Variants in POT1 observed in about 807,000 individuals in gnomAD.
The protein encoded by POT1 is protection of telomeres protein 1.
Under a neutral mutation model 78.5 loss-of-function variants are expected in POT1, and 47 were observed. The ratio of observed to expected loss-of-function variants is 0.60; its 90% CI spans 0.47 to 0.76. The LOEUF is 0.76. Among genes scored for constraint, POT1 ranks in the 30% least tolerant of loss-of-function variants. The pLI, the probability that POT1 is intolerant of heterozygous loss-of-function variation, is 0.00. For synonymous variants in POT1, 259 were observed against 260.7 expected (o/e 0.99, Z 0.06); for missense variants, 646 against 749.9 (o/e 0.86, Z 1.62).
At chr7:124,882,709 G>C (rs1186439599) in intron 6 of POT1, among the ~76,000 whole-genome samples, 6 of 149,640 alleles carry the variant, frequency 4.0e-5, no homozygotes, top group Non-Finnish European at 7.4e-5. Flanking sequence ...TAAAAAAACA[G>C]TACTAAATTT....
Position 124,822,639 on chromosome 7 carries a change from A to C in POT1, c.*1323T>G. 1 of 400,820 alleles carries C rather than the reference A, an allele frequency of 2.5e-6. No homozygotes were observed. 24.8% of individuals were successfully genotyped at this position (400,820 alleles called of 1,614,324 possible). On this transcript the variant is annotated 3_prime_UTR_variant, in exon 19 of 19. Transcript: ENST00000357628. ...ACACCTGTTCAACTGTAGGGTTTTAAAATATTTTTCCTGAAAATGTTTTGA... is the reference window on the plus strand; with the variant it reads ...ACACCTGTTCAACTGTAGGGTTTTACAATATTTTTCCTGAAAATGTTTTGA...
chr7:124,843,133 T>C, intron 12 of POT1, 170 bp from the exon 13 acceptor site: 1 of 451,198 alleles, frequency 2.2e-6, no homozygotes, highest in Non-Finnish European at 3.8e-6. Context: ...CAAGGCCCAC[T>C]AGCATAGTGC....
rs137946574 is a variant in POT1, at chr7:124,832,007, A to AT, written c.1506-2666_1506-2665insA. On this transcript the variant is annotated intron_variant, in intron 15 of 18. Transcript: ENST00000357628. ...ATTTAATTTCTTAAAAATAAAAAAA[A>AT]AAAAAAAAAAAAAAAGTTTGGAGGC... Among the ~76,000 whole-genome samples the AT allele has an allele frequency of 4.5e-3, 650 of 143,934 alleles. 1 individual carries two copies. The highest frequency in any genetic ancestry group is 7.2e-3 in the Middle Eastern group (2 of 276). 94.4% of individuals were successfully genotyped at this position (143,934 alleles called of 152,430 possible). A position where few individuals can be genotyped will look rare whatever the true frequency, so the allele number is the denominator to read the frequency against.
chr7:124,874,078 T>C (rs960465201), intron 6 of POT1, among the ~76,000 whole-genome samples: 1 of 152,206 alleles, frequency 6.6e-6, no homozygotes, highest in African/African-American at 2.4e-5. Flanking sequence ...GCAGCATCTT[T>C]GTATTTAACA....
intron 7 of POT1, among the ~76,000 whole-genome samples, chr7:124,866,541 T>C (rs1795730076): frequency 6.6e-6 from 1 of 152,166 alleles, no homozygotes; most frequent in South Asian, 2.1e-4. Context: ...ACCCCAACCC[T>C]GGTGGACTTT....
chr7:124,888,628 A>C (rs923640858), intron 6 of POT1, among the ~76,000 whole-genome samples: 1 of 152,054 alleles, frequency 6.6e-6, no homozygotes, highest in Admixed American at 6.6e-5. Context: ...GCAATTTTAT[A>C]AATTAAAGGT....
intron 3 of POT1, among the ~76,000 whole-genome samples, chr7:124,909,739 C>T (rs1796847589): frequency 6.6e-6 from 1 of 151,838 alleles, no homozygotes; most frequent in South Asian, 2.1e-4. Flanking sequence ...GAAAACACTT[C>T]ACATGTCAGG....
rs2116505118 is a variant in POT1, at chr7:124,853,100, T to C, written c.741A>G (p.Lys247=). Residue 247 remains lysine, a synonymous_variant, in exon 10 of 19, where the codon AAA becomes AAG. Transcript: ENST00000357628. ...GATTCTCTGAATTCATTGATTGAAGTTTGGTATGAAGGCTATAGATTCTAA... is the reference window on the plus strand; with the variant it reads ...GATTCTCTGAATTCATTGATTGAAGCTTGGTATGAAGGCTATAGATTCTAA... ...SFLRIYSLHT[K]LQSMNSENQT... is the part of the protein sequence containing the mutation. 1 of 1,606,718 alleles carries C rather than the reference T, an allele frequency of 6.2e-7. No individual in the cohort carries two copies. The highest frequency in any genetic ancestry group is 8.5e-7 in the Non-Finnish European group (1 of 1,173,656).
intron 6 of POT1, among the ~76,000 whole-genome samples, chr7:124,885,953 T>C (rs1455606968): frequency 2.0e-5 from 3 of 152,138 alleles, no homozygotes; most frequent in South Asian, 2.1e-4. Context: ...TTAACTCTGA[T>C]AGTTCTGATA....
intron 15 of POT1, among the ~76,000 whole-genome samples, chr7:124,832,139 G>A (rs932368752): frequency 6.7e-6 from 1 of 150,132 alleles, no homozygotes; most frequent in East Asian, 2.0e-4. Flanking sequence ...TGCACCTGTA[G>A]TCCCAGCTAG....
intron 6 of POT1, among the ~76,000 whole-genome samples, chr7:124,874,146 C>A (rs985152303): frequency 2.0e-5 from 3 of 152,180 alleles, no homozygotes; most frequent in Non-Finnish European, 4.4e-5. Context: ...GGGCTGCACT[C>A]ATTAACTGGG....
intron 15 of POT1, 50 bp from the exon 16 acceptor site, chr7:124,829,392 T>G: frequency 8.0e-7 from 1 of 1,248,182 alleles, no homozygotes; most frequent in Non-Finnish European, 1.1e-6. Context: ...TAATTTAGCT[T>G]GTTTGTTATA....
At chr7:124,917,832 T>C (rs550885815) in intron 2 of POT1, among the ~76,000 whole-genome samples, 141 of 152,208 alleles carry the variant, frequency 9.3e-4, no homozygotes, top group Non-Finnish European at 1.6e-3. Flanking sequence ...CACCTAAGCA[T>C]GTAGGAAGAC....
intron 2 of POT1, among the ~76,000 whole-genome samples, chr7:124,918,927 T>A (rs1797081101): frequency 6.6e-6 from 1 of 151,996 alleles, no homozygotes; most frequent in Admixed American, 6.6e-5. Context: ...ACTGCATCAC[T>A]CTGAATGGGG....
chr7:124,918,382 G>C (rs1797069100), intron 2 of POT1, among the ~76,000 whole-genome samples: 1 of 152,080 alleles, frequency 6.6e-6, no homozygotes, highest in Non-Finnish European at 1.5e-5. Context: ...TGTTTTCAGG[G>C]GTAGCATGTG....
At chr7:124,829,061 T>C in intron 16 of POT1, 193 bp downstream of exon 16, 1 of 758,988 alleles carries the variant, frequency 1.3e-6, no homozygotes, top group Non-Finnish European at 2.4e-6. Context: ...TGACGGTGCC[T>C]GCTTGAAGAA....
At chr7:124,884,812 C>T (rs1300090413) in intron 6 of POT1, among the ~76,000 whole-genome samples, 1 of 152,122 alleles carries the variant, frequency 6.6e-6, no homozygotes, top group Non-Finnish European at 1.5e-5. Flanking sequence ...ACACTATTAA[C>T]AAGTCTGGAA....
chr7:124,892,183 G>A, intron 6 of POT1, 83 bp downstream of exon 6: 2 of 800,222 alleles, frequency 2.5e-6, no homozygotes, highest in Non-Finnish European at 4.0e-6. Flanking sequence ...TTCTATTCTA[G>A]GACTTAGGGT....
chr7:124,903,386 A>T (rs1796674218), intron 3 of POT1, among the ~76,000 whole-genome samples: 1 of 152,220 alleles, frequency 6.6e-6, no homozygotes, highest in African/African-American at 2.4e-5. Flanking sequence ...AAACTGCACA[A>T]CTACATGGAA....
Sources: allele counts gnomAD v4.1 joint callset (sites outside exome capture counted in the v4.1 genomes callset), GRCh38; gene constraint gnomAD v4.1.1; transcripts MANE v1.5; gene names NCBI Gene and HGNC (gene_info 2026-07-23, HGNC 2026-07-21).